The following UBXN7 variants were observed in gnomAD, a reference collection of about 807,000 sequenced individuals.
UBXN7 encodes the protein UBX domain-containing protein 7.
Under a neutral mutation model 58.0 loss-of-function variants are expected in UBXN7, and 9 were observed. The observed-to-expected ratio is 0.16, with a 90% CI of 0.09 to 0.27. UBXN7 has a LOEUF of 0.27. Ranked by LOEUF, UBXN7 falls within the 10% of genes least tolerant of loss-of-function variation. UBXN7 has a pLI of 1.00. For synonymous variants in UBXN7, 208 were observed against 205.0 expected, an observed-to-expected ratio of 1.01 and a Z score of -0.12; for missense variants, 328 against 599.6, an observed-to-expected ratio of 0.55 and a Z score of 4.73.
chr3:196,397,951 T>C (rs1435097722), intron 3 of UBXN7, among the ~76,000 whole-genome samples: 1 of 152,236 alleles, frequency 6.6e-6, no homozygotes, highest in East Asian at 1.9e-4. Context: ...TGGTAGGCAG[T>C]GTCTAAGACA....
intron 1 of UBXN7, among the ~76,000 whole-genome samples, chr3:196,423,888 CTT>C (rs1235337251): frequency 1.2e-3 from 156 of 131,322 alleles, no homozygotes; most frequent in South Asian, 3.3e-3. Context: ...TAATTTTTCA[CTT>C]TTTTTTTTTT....
intron 3 of UBXN7, among the ~76,000 whole-genome samples, chr3:196,401,815 AAAGAG>A (rs1490229605): frequency 1.9e-5 from 1 of 54,008 alleles, no homozygotes; most frequent in East Asian, 2.4e-3. Flanking sequence ...AAAGAAAAGA[AAAGAG>A]AAGAGAGAAG....
chr3:196,397,774 C>G (rs1454004742), intron 3 of UBXN7: 1 of 152,196 alleles, frequency 6.6e-6, no homozygotes, highest in Admixed American at 6.5e-5. Context: ...GCCACCATAC[C>G]CAGCAGGGAG....
rs199577223 is a variant in UBXN7, at chr3:196,362,488, G to A, written c.1034C>T (p.Ala345Val). The change falls in exon 9 of 11, where the codon GCC (alanine) becomes GTC (valine). Residue 345 changes from alanine (A) to valine (V), a missense_variant. Coordinates refer to ENST00000296328, the MANE Select transcript of UBXN7 (RefSeq NM_015562.2). ...TTTGTGGGGAGACTTTCTGGACTTG[G>A]CAAGATTCTCTACCTCTTCTTCTTC... ...SDEEEEVENL[A>V]KSRKSPHKDL... is the part of the protein sequence containing the mutation. The A allele has an allele frequency of 1.4e-5, 23 of 1,614,110 alleles. No individual in the cohort carries two copies. Among genetic ancestry groups the A allele is most frequent in the Non-Finnish European group, 1.9e-5 (22 of 1,180,024 alleles).
intron 3 of UBXN7, among the ~76,000 whole-genome samples, chr3:196,394,467 G>A (rs1345326023): frequency 6.6e-6 from 1 of 150,872 alleles, no homozygotes; most frequent in Non-Finnish European, 1.5e-5. Flanking sequence ...GCCAGGTGTG[G>A]TGGCACGCAC....
intron 1 of UBXN7, among the ~76,000 whole-genome samples, chr3:196,427,118 C>T (rs1043017879): frequency 1.8e-4 from 28 of 152,112 alleles, no homozygotes; most frequent in Non-Finnish European, 2.9e-5. Flanking sequence ...GCTTATTTTT[C>T]ACCTGTTCTA....
At chr3:196,418,905 C>A (rs1730588458) in intron 1 of UBXN7, among the ~76,000 whole-genome samples, 1 of 152,200 alleles carries the variant, frequency 6.6e-6, no homozygotes, top group Non-Finnish European at 1.5e-5. Flanking sequence ...AATCTTCACA[C>A]AATCATTTAA....
intron 5 of UBXN7, among the ~76,000 whole-genome samples, chr3:196,388,473 GT>G (rs569238340): frequency 6.4e-4 from 93 of 146,096 alleles, no homozygotes; most frequent in African/African-American, 1.9e-3. Context: ...GCTACTGTTT[GT>G]TTTTTTTTTT....
chr3:196,394,853 T>C (rs978296250), intron 3 of UBXN7, among the ~76,000 whole-genome samples: 1 of 152,192 alleles, frequency 6.6e-6, no homozygotes, highest in African/African-American at 2.4e-5. Context: ...GGAAACTTTT[T>C]TCACAGTTAC....
intron 1 of UBXN7, chr3:196,432,065 C>A: frequency 1.7e-6 from 1 of 603,154 alleles, no homozygotes; most frequent in Non-Finnish European, 3.0e-6. Context: ...GGCCCATTCC[C>A]AGGTCTGGGC....
At chr3:196,402,332 C>A (rs1730020722) in intron 3 of UBXN7, among the ~76,000 whole-genome samples, 1 of 152,174 alleles carries the variant, frequency 6.6e-6, no homozygotes, top group Non-Finnish European at 1.5e-5. Flanking sequence ...TATTTCTCTG[C>A]ATTAACTGTT....
At chr3:196,397,308 A>G (rs1560233617) in intron 3 of UBXN7, among the ~76,000 whole-genome samples, 1 of 152,234 alleles carries the variant, frequency 6.6e-6, no homozygotes, top group Non-Finnish European at 1.5e-5. Context: ...GAAAAAATGT[A>G]GTGAGAAGAG....
intron 5 of UBXN7, among the ~76,000 whole-genome samples, chr3:196,387,085 C>G (rs185444285): frequency 5.9e-4 from 90 of 152,182 alleles, no homozygotes; most frequent in African/African-American, 2.1e-3. Flanking sequence ...GGTACCAAAA[C>G]AGATATACAG....
At chr3:196,375,032 A>AAGGC (rs1163341518) in intron 5 of UBXN7, among the ~76,000 whole-genome samples, 2 of 143,522 alleles carry the variant, frequency 1.4e-5, no homozygotes, top group Non-Finnish European at 3.1e-5. Context: ...GGAAGGAAGG[A>AAGGC]AGGAAGGAAG....
At chr3:196,395,443 G>A (rs945865931) in intron 3 of UBXN7, among the ~76,000 whole-genome samples, 2 of 152,004 alleles carry the variant, frequency 1.3e-5, no homozygotes, top group Non-Finnish European at 2.9e-5. Flanking sequence ...ACACTGTCAT[G>A]TTTTATTTTA....
intron 10 of UBXN7, among the ~76,000 whole-genome samples, chr3:196,361,083 G>C (rs1728492845): frequency 6.6e-6 from 1 of 152,144 alleles, no homozygotes; most frequent in East Asian, 1.9e-4. Context: ...CAACTCATAG[G>C]AAGTCAAAAT....
intron 1 of UBXN7, 86 bp downstream of exon 1, chr3:196,432,241 A>C: frequency 6.5e-7 from 1 of 1,548,332 alleles, no homozygotes; most frequent in Non-Finnish European, 8.8e-7. Flanking sequence ...CGAAGGAGGA[A>C]TGCCTGAAGG....
rs368311889 is a variant in UBXN7 at position 196,348,923 on chromosome 3, C to CAAACA, written c.*7757_*7761dup. On this transcript the variant is annotated 3_prime_UTR_variant, in exon 11 of 11. Coordinates refer to ENST00000296328, the MANE Select transcript of UBXN7 (RefSeq NM_015562.2). ...CTCGAAAAAGGACTTTCCTGAAGGGCAAACAAAACAAAACAAAACAAAACA... is the reference window on the plus strand; with the variant it reads ...CTCGAAAAAGGACTTTCCTGAAGGGCAAACAAAACAAAACAAAACAAAACAAAACA... The CAAACA allele has an allele frequency of 0.092, 13,927 of 151,598 alleles. 726 individuals are homozygous for CAAACA. The highest frequency in any genetic ancestry group is 0.16 in the Middle Eastern group (47 of 294). 9.4% of individuals were successfully genotyped at this position (151,598 alleles called of 1,614,324 possible). A position where few individuals can be genotyped will look rare whatever the true frequency, so the allele number is the denominator to read the frequency against.
intron 5 of UBXN7, among the ~76,000 whole-genome samples, chr3:196,384,907 C>CT (rs1388679755): frequency 6.6e-6 from 1 of 152,228 alleles, no homozygotes; most frequent in East Asian, 1.9e-4. Context: ...AGGATGCCCT[C>CT]TCTCACCACT....
Sources: gnomAD v4.1 joint callset for allele counts (sites outside exome capture counted in the v4.1 genomes callset) on GRCh38, gnomAD v4.1.1 for gene constraint, MANE v1.5 for transcripts, NCBI Gene and HGNC (gene_info 2026-07-23, HGNC 2026-07-21) for gene names.